DSCAM: variants seen among roughly 807,000 people sequenced by gnomAD.
DSCAM encodes the protein cell adhesion molecule DSCAM.
A neutral mutation model predicts 217.7 loss-of-function variants in DSCAM; 47 were observed. That is an observed-to-expected ratio of 0.22 (90% CI 0.17 to 0.28). DSCAM has a LOEUF of 0.28. Among genes scored for constraint, DSCAM ranks in the 10% least tolerant of loss-of-function variants. The pLI, the probability that DSCAM is intolerant of heterozygous loss-of-function variation, is 1.00. For missense variants in DSCAM, 2,080 were observed against 2,618.3 expected (o/e 0.79, Z 4.49); for synonymous variants, 1,056 against 1,015.3 (o/e 1.04, Z -0.76).
At chr21:40,329,077 T>C (rs150246917) in intron 8 of DSCAM, among the ~76,000 whole-genome samples, 54 of 152,330 alleles carry the variant, frequency 3.5e-4, no homozygotes, top group African/African-American at 1.1e-3. Flanking sequence ...ATGCAAGTTA[T>C]TATACTCACT....
At chr21:40,598,867 G>T (rs1020590187) in intron 3 of DSCAM, among the ~76,000 whole-genome samples, 1 of 152,028 alleles carries the variant, frequency 6.6e-6, no homozygotes, top group Non-Finnish European at 1.5e-5. Flanking sequence ...ATTTGATATT[G>T]TAAGTTTTTT....
chr21:40,020,377 T>A (rs1043150503), intron 32 of DSCAM, among the ~76,000 whole-genome samples: 18 of 152,310 alleles, frequency 1.2e-4, no homozygotes, highest in African/African-American at 4.3e-4. Flanking sequence ...TTCCTTGTTT[T>A]GTTTCCCTTG....
rs1013291631 is a variant in DSCAM at position 40,732,753 on chromosome 21, T to A, written c.44-23982A>T. ...TACAAATGATGAATATGAAACACTT[T>A]TTGAGAGGACTTAAAATGTGAAGAA... On this transcript the variant is annotated intron_variant, in intron 1 of 32. Transcript: ENST00000400454. 3.9e-5 allele frequency among the ~76,000 whole-genome samples: 6 copies of A among 152,332 alleles called. No homozygotes were observed. The East Asian group carries it at 1.2e-3, about 29-fold the overall frequency.
At position 40,828,658 on chromosome 21, in the gene DSCAM, C is replaced by CTTT. The variant is rs35167327; in HGVS notation, c.43+17958_43+17960dup. Among the ~76,000 whole-genome samples, 17 of 132,464 alleles carry CTTT rather than the reference C, an allele frequency of 1.3e-4. 1 individual carries two copies. Among genetic ancestry groups the CTTT allele is most frequent in the Non-Finnish European group, 1.6e-4 (10 of 63,382 alleles). 86.9% of individuals were successfully genotyped at this position (132,464 alleles called of 152,430 possible). A position where few individuals can be genotyped will look rare whatever the true frequency, so the allele number is the denominator to read the frequency against. ...CAGGAACCAGGGGACACCCCACCCT[C>CTTT]TTTTTTTTTTTTTTTTTGAGACAGT... On this transcript the variant is annotated intron_variant, in intron 1 of 32. Transcript: ENST00000400454.
intron 11 of DSCAM, among the ~76,000 whole-genome samples, chr21:40,252,247 CA>C (rs2073314887): frequency 6.6e-6 from 1 of 152,158 alleles, no homozygotes; most frequent in Non-Finnish European, 1.5e-5. Flanking sequence ...ATAATAAAAT[CA>C]GACCTTTATG....
chr21:40,803,005 C>A (rs1569043876), intron 1 of DSCAM, among the ~76,000 whole-genome samples: 2 of 152,146 alleles, frequency 1.3e-5, no homozygotes, highest in Non-Finnish European at 2.9e-5. Context: ...TATGGCAGCA[C>A]TTTGGTCTGT....
At chr21:40,119,269 T>C (rs2090006367) in intron 20 of DSCAM, among the ~76,000 whole-genome samples, 1 of 152,082 alleles carries the variant, frequency 6.6e-6, no homozygotes, top group Non-Finnish European at 1.5e-5. Context: ...GTGGTAAAAA[T>C]GAATAAATGA....
intron 11 of DSCAM, among the ~76,000 whole-genome samples, chr21:40,233,172 CTAAAAGTTTT>C (rs931491843): frequency 6.6e-6 from 1 of 151,916 alleles, no homozygotes; most frequent in Non-Finnish European, 1.5e-5. Flanking sequence ...ACTCCCGAAC[CTAAAAGTTTT>C]TTTTAAAATC....
At chr21:40,485,368 G>A (rs370594252) in intron 3 of DSCAM, among the ~76,000 whole-genome samples, 4 of 150,120 alleles carry the variant, frequency 2.7e-5, no homozygotes, top group Admixed American at 1.3e-4. Flanking sequence ...TCAGCCTCCC[G>A]AGTAGCTGGG....
intron 3 of DSCAM, among the ~76,000 whole-genome samples, chr21:40,576,225 G>C (rs1601757934): frequency 2.0e-5 from 3 of 152,168 alleles, no homozygotes; most frequent in Admixed American, 2.0e-4. Flanking sequence ...TAGGAAAAAT[G>C]TTTAGAAAAG....
At chr21:40,369,043 A>G (rs1716476292) in intron 4 of DSCAM, 56 bp downstream of exon 4, 18 of 1,513,664 alleles carry the variant, frequency 1.2e-5, no homozygotes, top group Non-Finnish European at 1.6e-5. Context: ...GAGTCGTCTC[A>G]GGACACTAAC....
At chr21:40,028,954 C>G (rs2088460606) in intron 32 of DSCAM, among the ~76,000 whole-genome samples, 1 of 152,224 alleles carries the variant, frequency 6.6e-6, no homozygotes, top group Non-Finnish European at 1.5e-5. Flanking sequence ...GCAGCATTAT[C>G]TAGCTGTAAT....
chr21:40,832,779 A>G (rs902346743), intron 1 of DSCAM, among the ~76,000 whole-genome samples: 2 of 152,210 alleles, frequency 1.3e-5, no homozygotes, highest in African/African-American at 4.8e-5. Context: ...ATCAAACTAC[A>G]CAATGAGCCA....
At position 40,708,569 on chromosome 21, in the gene DSCAM, T is replaced by C. The variant is rs762556614; in HGVS notation, c.246A>G (p.Gln82=). 129 of 1,604,594 alleles carry C rather than the reference T, an allele frequency of 8.0e-5. 3 individuals are homozygous for C. In the Admixed American group the frequency reaches 1.9e-3, roughly 23 times the overall value. ...AGCTTGAAGGAGGGAAGGGGAAAAT[T>C]TGGAGAGTGCCGTTGGGGTGGACGT... ...IRHVHPNGTL[Q]IFPFPPSSFS... Residue 82 remains glutamine (Q), a synonymous_variant, in exon 2 of 33, where the codon CAA becomes CAG. Coordinates refer to ENST00000400454, the MANE Select transcript of DSCAM (RefSeq NM_001389.5).
At chr21:40,731,664 G>C (rs1336448753) in intron 1 of DSCAM, among the ~76,000 whole-genome samples, 3 of 151,168 alleles carry the variant, frequency 2.0e-5, no homozygotes, top group Non-Finnish European at 4.4e-5. Flanking sequence ...AAGGATATCA[G>C]TCATATTTAA....
intron 32 of DSCAM, among the ~76,000 whole-genome samples, chr21:40,029,089 ATTCTTTT>A (rs1037251011): frequency 6.6e-6 from 1 of 152,188 alleles, no homozygotes; most frequent in African/African-American, 2.4e-5. Flanking sequence ...AAAATTCTCT[ATTCTTTT>A]GAGAAATAGC....
intron 14 of DSCAM, 89 bp from the exon 15 acceptor site, chr21:40,179,183 CCAAAAA>C (rs2090769972): frequency 3.5e-5 from 3 of 86,310 alleles, no homozygotes; most frequent in Non-Finnish European, 5.6e-5. Flanking sequence ...GAATTAAAAA[CCAAAAA>C]AAAAAAAAAA....
intron 1 of DSCAM, among the ~76,000 whole-genome samples, chr21:40,737,568 G>C (rs1213669480): frequency 1.3e-5 from 2 of 152,158 alleles, no homozygotes; most frequent in African/African-American, 4.8e-5. Context: ...TTGAACCAAG[G>C]GGGCAAAGGT....
At chr21:40,350,038 T>C (rs142916001) in intron 5 of DSCAM, among the ~76,000 whole-genome samples, 1 of 152,000 alleles carries the variant, frequency 6.6e-6, no homozygotes, top group African/African-American at 2.4e-5. Flanking sequence ...ATTCTGGTAA[T>C]CTTCTCCTAT....
Sources: gnomAD v4.1 joint callset for allele counts (sites outside exome capture counted in the v4.1 genomes callset) on GRCh38, gnomAD v4.1.1 for gene constraint, MANE v1.5 for transcripts, NCBI Gene and HGNC (gene_info 2026-07-23, HGNC 2026-07-21) for gene names.